The following EBF3 variants were observed in gnomAD, a reference collection of about 807,000 sequenced individuals.
EBF3 encodes transcription factor COE3.
Under a neutral mutation model 77.1 loss-of-function variants are expected in EBF3, and 18 were observed. That is an observed-to-expected ratio of 0.23 (90% CI 0.16 to 0.35). EBF3 has a LOEUF of 0.35. EBF3 is among the 10% of genes least tolerant of loss of function. The pLI, the probability that EBF3 is intolerant of heterozygous loss-of-function variation, is 1.00. For missense variants in EBF3, 558 were observed against 860.0 expected (o/e 0.65, Z 4.39); for synonymous variants, 350 against 343.5 (o/e 1.02, Z -0.21).
chr10:129,937,185 G>A (rs993720718), intron 6 of EBF3, among the ~76,000 whole-genome samples: 2 of 152,152 alleles, frequency 1.3e-5, no homozygotes, highest in Non-Finnish European at 2.9e-5. Context: ...GGATCAGATG[G>A]GTGGGACAAC....
Position 129,948,255 on chromosome 10 carries a change from G to A in EBF3, c.554+9003C>T, listed in dbSNP as rs535580704. On this transcript the variant is annotated intron_variant, in intron 6 of 16. Coordinates refer to ENST00000440978, the MANE Select transcript of EBF3 (RefSeq NM_001375380.1). ...CCTGGGCAACAAGAGCAAAAACTCC[G>A]TCTCAAAAAAAAAAAAAAAAAAAAA... is the stretch of plus-strand genomic sequence containing the variant. Among the ~76,000 whole-genome samples, 72 of 71,658 alleles carry A rather than the reference G, an allele frequency of 1.0e-3. 1 individual carries two copies. The highest frequency in any genetic ancestry group is 0.014 in the Middle Eastern group (1 of 74). The allele number at this position is 71,658 out of a possible 152,430, so 47.0% of individuals were successfully genotyped here.
chr10:129,930,923 C>T (rs1856982454), intron 6 of EBF3, among the ~76,000 whole-genome samples: 1 of 137,048 alleles, frequency 7.3e-6, no homozygotes, highest in Admixed American at 7.7e-5. Flanking sequence ...TAACAAATCC[C>T]CCTCTCATAT....
At chr10:129,923,856 G>C (rs1183597009) in intron 6 of EBF3, among the ~76,000 whole-genome samples, 2 of 152,202 alleles carry the variant, frequency 1.3e-5, no homozygotes, top group African/African-American at 4.8e-5. Flanking sequence ...GAAATGGCAA[G>C]TCACAGAATG....
intron 6 of EBF3, 41 bp downstream of exon 6, chr10:129,957,217 T>C (rs1372525730): frequency 2.6e-6 from 4 of 1,555,012 alleles, no homozygotes; most frequent in Non-Finnish European, 3.5e-6. Flanking sequence ...GTTTTGTTGC[T>C]GCTGCGGTTT....
intron 6 of EBF3, among the ~76,000 whole-genome samples, chr10:129,880,530 C>T (rs906775671): frequency 1.1e-4 from 16 of 152,158 alleles, no homozygotes; most frequent in Non-Finnish European, 1.6e-4. Context: ...TGCATTCTTG[C>T]TTGCTCACTC....
At position 129,870,040 on chromosome 10, in the gene EBF3, G is replaced by GA. The variant is rs565756128; in HGVS notation, c.782-2129dup. ...CAAATTTACTTTGGAGGTGAGAAAAGAAAAAAAGAATCCAGGATCTACTGC... is the reference window on the plus strand; with the variant it reads ...CAAATTTACTTTGGAGGTGAGAAAAGAAAAAAAAGAATCCAGGATCTACTGC... On this transcript the variant is annotated intron_variant, in intron 8 of 16. Transcript: ENST00000440978. The surrounding 1 kb of genome is among the most constrained non-coding windows in gnomAD (Gnocchi z 4.4). 6.6e-6 allele frequency among the ~76,000 whole-genome samples: 1 copy of GA among 151,758 alleles called. No individual in the cohort carries two copies. The highest frequency in any genetic ancestry group is 6.6e-5 in the Admixed American group (1 of 15,248).
At position 129,841,969 on chromosome 10, in the gene EBF3, C is replaced by T; in HGVS notation, c.1372+147G>A. On this transcript the variant is annotated intron_variant, in intron 13 of 16. Transcript: ENST00000440978. The surrounding 1 kb of genome is among the most constrained non-coding windows in gnomAD (Gnocchi z 4.6). ...CTGGGAGGACCTGCAGCAAGGTCTT[C>T]CTGAGCAAAGGAACCAGCAGAGCCA... 2 of 1,081,260 alleles carry T rather than the reference C, an allele frequency of 1.8e-6. No individual in the cohort carries two copies. Among genetic ancestry groups the T allele is most frequent in the East Asian group, 2.7e-5 (1 of 37,630 alleles). 67.0% of individuals were successfully genotyped at this position (1,081,260 alleles called of 1,614,324 possible). A position where few individuals can be genotyped will look rare whatever the true frequency, so the allele number is the denominator to read the frequency against.
chr10:129,912,068 G>A (rs925570329), intron 6 of EBF3, among the ~76,000 whole-genome samples: 4 of 152,146 alleles, frequency 2.6e-5, no homozygotes, highest in Non-Finnish European at 2.9e-5. Flanking sequence ...GAATGAAGAG[G>A]GCTCCCGCTA....
At chr10:129,914,052 G>T (rs1159846806) in intron 6 of EBF3, among the ~76,000 whole-genome samples, 2 of 152,228 alleles carry the variant, frequency 1.3e-5, no homozygotes, top group African/African-American at 4.8e-5. Context: ...ACCCACTCAT[G>T]CAATTTGGAA....
chr10:129,900,705 T>C lies in EBF3; in HGVS notation c.555-22856A>G, dbSNP rs539555530. On this transcript the variant is annotated intron_variant, in intron 6 of 16. Transcript: ENST00000440978. Reference sequence around the variant, plus strand: ...ACATTGATGGTGCTGTAGCCAGGCTTTGCCTGTGAGAGCACTCATGAGGAG... The same window carrying C: ...ACATTGATGGTGCTGTAGCCAGGCTCTGCCTGTGAGAGCACTCATGAGGAG... Among the ~76,000 whole-genome samples the C allele has an allele frequency of 1.8e-4, 27 of 152,376 alleles. 1 individual carries two copies. The East Asian group carries it at 4.8e-3, about 27-fold the overall frequency.
chr10:129,917,651 CAAAAAAAAAAA>C (rs71481019), intron 6 of EBF3, among the ~76,000 whole-genome samples: 16 of 23,598 alleles, frequency 6.8e-4, no homozygotes, highest in South Asian at 3.8e-3. Context: ...GACCCTGCCT[CAAAAAAAAAAA>C]AAAAAAAAAA....
intron 6 of EBF3, among the ~76,000 whole-genome samples, chr10:129,931,829 A>G (rs72837173): frequency 0.099 from 15,054 of 152,248 alleles, 769 homozygotes; most frequent in East Asian, 0.13. Flanking sequence ...TTCCCAACCC[A>G]GTAGACCAGG....
chr10:129,897,463 C>T lies in EBF3; in HGVS notation c.555-19614G>A, dbSNP rs1854475025. On this transcript the variant is annotated intron_variant, in intron 6 of 16. Coordinates refer to ENST00000440978, the MANE Select transcript of EBF3 (RefSeq NM_001375380.1). The surrounding 1 kb of genome is among the most constrained non-coding windows in gnomAD (Gnocchi z 4.6). ...CTCTTCTCCCATCCACCCTCCCCTG[C>T]AGACTGGCTCCCCCTAAATCAAGGG... Among the ~76,000 whole-genome samples the T allele has an allele frequency of 6.6e-6, 1 of 152,206 alleles. No individual in the cohort carries two copies. The highest frequency in any genetic ancestry group is 2.1e-4 in the South Asian group (1 of 4,832).
chr10:129,920,985 C>T (rs541686905), intron 6 of EBF3, among the ~76,000 whole-genome samples: 3 of 152,236 alleles, frequency 2.0e-5, no homozygotes, highest in South Asian at 4.1e-4. Flanking sequence ...GAGGTGCCCT[C>T]GGTGGTCTGG....
intron 5 of EBF3, among the ~76,000 whole-genome samples, chr10:129,958,339 A>G (rs1859196579): frequency 1.3e-5 from 2 of 152,142 alleles, no homozygotes; most frequent in Admixed American, 6.5e-5. Context: ...TCAATGATGC[A>G]TTTTTATTTG....
chr10:129,847,458 A>G (rs1036510449), intron 11 of EBF3, among the ~76,000 whole-genome samples: 3 of 152,188 alleles, frequency 2.0e-5, no homozygotes, highest in African/African-American at 7.2e-5. Flanking sequence ...GATGATCCTA[A>G]CAGTGAATAT....
intron 6 of EBF3, among the ~76,000 whole-genome samples, chr10:129,899,097 G>C (rs1347504611): frequency 6.6e-6 from 1 of 152,354 alleles, no homozygotes; most frequent in Admixed American, 6.5e-5. Context: ...GCCTTGAATC[G>C]GAGCTGCTTA....
At chr10:129,853,905 G>C (rs1851066400) in intron 10 of EBF3, among the ~76,000 whole-genome samples, 2 of 152,226 alleles carry the variant, frequency 1.3e-5, no homozygotes, top group African/African-American at 4.8e-5. Context: ...AGGTGAACTT[G>C]ACCAGGTGAT....
intron 8 of EBF3, among the ~76,000 whole-genome samples, chr10:129,869,389 CG>C (rs1399069728): frequency 6.6e-6 from 1 of 152,202 alleles, no homozygotes; most frequent in Non-Finnish European, 1.5e-5. Context: ...CCAAGCCACC[CG>C]CCCCCCACCA....
Sources: allele counts gnomAD v4.1 joint callset (sites outside exome capture counted in the v4.1 genomes callset), GRCh38; gene constraint gnomAD v4.1.1; non-coding constraint Gnocchi (gnomAD v3.1); transcripts MANE v1.5; gene names NCBI Gene and HGNC (gene_info 2026-07-23, HGNC 2026-07-21).